SYNE2: variants seen among roughly 807,000 people sequenced by gnomAD.
SYNE2 encodes nesprin-2.
In SYNE2, 431 loss-of-function variants were observed where a neutral mutation model predicts 856.3. That is an observed-to-expected ratio of 0.50 (90% confidence interval 0.47 to 0.55). SYNE2 has a LOEUF of 0.55. Among genes scored for constraint, SYNE2 ranks in the 20% least tolerant of loss-of-function variants. SYNE2 has a pLI of 0.00. For missense variants in SYNE2, 8,129 were observed against 8,023.2 expected (o/e 1.01, Z -0.50); for synonymous variants, 2,923 against 2,872.3 (o/e 1.02, Z -0.56).
chr14:64,197,272 G>A (rs943213606), intron 99 of SYNE2, among the ~76,000 whole-genome samples: 4 of 152,294 alleles, frequency 2.6e-5, no homozygotes, highest in South Asian at 2.1e-4. Flanking sequence ...CTTTCCCAGC[G>A]TCAGCATGCG....
intron 10 of SYNE2, 51 bp downstream of exon 10, chr14:63,964,051 CGTAA>C (rs2096357654): frequency 8.7e-7 from 1 of 1,152,460 alleles, no homozygotes; most frequent in Non-Finnish European, 1.3e-6. Flanking sequence ...AAGAGTTGAG[CGTAA>C]GTATGTTTTT....
intron 6 of SYNE2, among the ~76,000 whole-genome samples, chr14:63,943,985 A>G (rs1169978614): frequency 3.9e-5 from 6 of 151,920 alleles, no homozygotes; most frequent in Non-Finnish European, 8.8e-5. Flanking sequence ...TTATTTCTTT[A>G]AGAAAATCTA....
chr14:63,997,018 A>G lies in SYNE2; in HGVS notation c.3012A>G (p.Glu1004=). ...TGGAAGTCCTGAGGGAGCTGTGTGA[A>G]GAGCTGCCTTCACAGAAGAGTCAAC... ...HHMEVLRELC[E]ELPSQKSQQE... is the part of the protein sequence containing the mutation. The change falls in exon 24 of 116, where the codon GAA becomes GAG. Residue 1004 remains glutamate, a synonymous_variant. Transcript: ENST00000555002. The G allele has an allele frequency of 6.2e-7, 1 of 1,614,142 alleles. No homozygotes were observed. The highest frequency in any genetic ancestry group is 8.5e-7 in the Non-Finnish European group (1 of 1,180,020).
chr14:63,888,595 C>G (rs561703138), intron 1 of SYNE2, among the ~76,000 whole-genome samples: 45 of 152,156 alleles, frequency 3.0e-4, no homozygotes, highest in Admixed American at 9.8e-4. Context: ...GGTGAGGTAC[C>G]CTATATCCCA....
chr14:64,125,612 G>T (rs1052540329), intron 71 of SYNE2, among the ~76,000 whole-genome samples: 7 of 152,160 alleles, frequency 4.6e-5, no homozygotes, highest in African/African-American at 7.2e-5. Context: ...AGGAGACAGG[G>T]CCCAAGTTGG....
At chr14:64,089,181 C>T (rs1403527182) in intron 58 of SYNE2, among the ~76,000 whole-genome samples, 1 of 151,934 alleles carries the variant, frequency 6.6e-6, no homozygotes, top group Non-Finnish European at 1.5e-5. Context: ...GCCTGGCCAA[C>T]ATGGCGAAAC....
intron 1 of SYNE2, among the ~76,000 whole-genome samples, chr14:63,779,601 C>T (rs75290618): frequency 0.02 from 3,081 of 152,034 alleles, 101 homozygotes; most frequent in African/African-American, 0.071. Context: ...GAAATCTTAG[C>T]GAATGCAAAT....
At chr14:63,998,460 A>G (rs562138127) in intron 26 of SYNE2, 132 bp downstream of exon 26, 110 of 663,070 alleles carry the variant, frequency 1.7e-4, no homozygotes, top group African/African-American at 1.5e-3. Context: ...TAGAAATTCT[A>G]TGGTATTTTC....
At chr14:63,964,087 G>A in intron 10 of SYNE2, 87 bp downstream of exon 10, 1 of 819,864 alleles carries the variant, frequency 1.2e-6, no homozygotes, top group East Asian at 2.7e-5. Context: ...TCAGGCTTAA[G>A]TATTTTAAGT....
chr14:63,787,470 G>A (rs989017871), intron 1 of SYNE2, among the ~76,000 whole-genome samples: 6 of 152,132 alleles, frequency 3.9e-5, no homozygotes, highest in Non-Finnish European at 5.9e-5. Flanking sequence ...CTCTGTGGCC[G>A]GTGATGCCTT....
chr14:64,064,189 G>A (rs1420926877), intron 50 of SYNE2, among the ~76,000 whole-genome samples: 1 of 152,206 alleles, frequency 6.6e-6, no homozygotes. Context: ...TGGTGAGGTA[G>A]CGTTGGGCTA....
chr14:64,005,656 A>G (rs1455568373), intron 30 of SYNE2, among the ~76,000 whole-genome samples: 1 of 152,246 alleles, frequency 6.6e-6, no homozygotes, highest in South Asian at 2.1e-4. Context: ...TAGAAATGAT[A>G]TATTCAAGAT....
chr14:64,077,887 C>T (rs1293174920), intron 54 of SYNE2, among the ~76,000 whole-genome samples: 1 of 152,078 alleles, frequency 6.6e-6, no homozygotes, highest in East Asian at 1.9e-4. Flanking sequence ...TTTCTGATGG[C>T]TGGGAAAACA....
At chr14:63,887,254 TG>T (rs2095013104) in intron 1 of SYNE2, among the ~76,000 whole-genome samples, 1 of 151,816 alleles carries the variant, frequency 6.6e-6, no homozygotes, top group South Asian at 2.1e-4. Flanking sequence ...GCATTCCAGC[TG>T]GGCAACAGAG....
At chr14:63,942,237 G>A in intron 6 of SYNE2, 94 bp downstream of exon 6, 2 of 791,256 alleles carry the variant, frequency 2.5e-6, no homozygotes, top group Non-Finnish European at 4.3e-6. Flanking sequence ...ATTCAGTCCT[G>A]AGCTTCTCCT....
intron 1 of SYNE2, among the ~76,000 whole-genome samples, chr14:63,784,971 T>C (rs1249434997): frequency 6.6e-6 from 1 of 151,990 alleles, no homozygotes; most frequent in Non-Finnish European, 1.5e-5. Flanking sequence ...TGAGGGGTGT[T>C]GTATTTGTGA....
chr14:63,826,922 T>A (rs1334859704), intron 1 of SYNE2, among the ~76,000 whole-genome samples: 1 of 152,080 alleles, frequency 6.6e-6, no homozygotes, highest in African/African-American at 2.4e-5. Flanking sequence ...ACAACCCACT[T>A]GAGTGGGAGA....
intron 61 of SYNE2, among the ~76,000 whole-genome samples, chr14:64,097,661 G>A (rs953517483): frequency 6.6e-5 from 10 of 152,250 alleles, no homozygotes; most frequent in African/African-American, 1.9e-4. Context: ...CCACAGTCAC[G>A]TGTGGAGCAT....
chr14:63,938,735 G>A (rs1166952358), intron 2 of SYNE2, among the ~76,000 whole-genome samples: 1 of 152,148 alleles, frequency 6.6e-6, no homozygotes, highest in Non-Finnish European at 1.5e-5. Context: ...ATGAAAGCAG[G>A]AAGGGAAAGC....
Sources: gnomAD v4.1 joint callset for allele counts (sites outside exome capture counted in the v4.1 genomes callset) on GRCh38, gnomAD v4.1.1 for gene constraint, MANE v1.5 for transcripts, NCBI Gene and HGNC (gene_info 2026-07-23, HGNC 2026-07-21) for gene names.